BACE2: variants seen among roughly 807,000 people sequenced by gnomAD.
BACE2 encodes 56 kDa aspartic-like protease.
In BACE2, 17 loss-of-function variants were observed where a neutral mutation model predicts 46.2. The observed-to-expected ratio is 0.37, with a 90% CI of 0.25 to 0.55. The LOEUF (loss-of-function observed/expected upper bound fraction) is 0.55. Among genes scored for constraint, BACE2 ranks in the 20% least tolerant of loss-of-function variants. The pLI is 0.82. For synonymous variants in BACE2, 277 were observed against 295.9 expected (o/e 0.94, Z 0.66); for missense variants, 595 against 698.1 (o/e 0.85, Z 1.66).
intron 1 of BACE2, among the ~76,000 whole-genome samples, chr21:41,204,760 C>T (rs185822931): frequency 2.6e-5 from 4 of 152,278 alleles, no homozygotes; most frequent in African/African-American, 7.2e-5. Context: ...AAGAGGGATG[C>T]ATCTGTCATT....
At chr21:41,247,644 C>T (rs373667518) in intron 6 of BACE2, among the ~76,000 whole-genome samples, 5 of 152,370 alleles carry the variant, frequency 3.3e-5, no homozygotes. Flanking sequence ...ACCCCTGTGC[C>T]GTGAGAGGCG....
intron 8 of BACE2, among the ~76,000 whole-genome samples, chr21:41,273,118 G>T (rs780720948): frequency 2.6e-5 from 4 of 152,154 alleles, no homozygotes; most frequent in Non-Finnish European, 1.5e-5. Flanking sequence ...TACGAATAGG[G>T]TGTGGGTCAC....
chr21:41,266,495 G>A (rs1014284279), intron 8 of BACE2, among the ~76,000 whole-genome samples: 1 of 152,244 alleles, frequency 6.6e-6, no homozygotes, highest in African/African-American at 2.4e-5. Flanking sequence ...AGTGTCCGCA[G>A]ACCATGAGAA....
chr21:41,225,157 C>T (rs1986773010), intron 1 of BACE2, among the ~76,000 whole-genome samples: 1 of 151,588 alleles, frequency 6.6e-6, no homozygotes, highest in Non-Finnish European at 1.5e-5. Flanking sequence ...TGACGTGAAC[C>T]TGGGAGGCAG....
At chr21:41,255,048 A>G (rs917720968) in intron 7 of BACE2, among the ~76,000 whole-genome samples, 7 of 152,208 alleles carry the variant, frequency 4.6e-5, no homozygotes, top group Non-Finnish European at 1.0e-4. Flanking sequence ...GTCTGGTTAC[A>G]GTCTCCATGC....
chr21:41,197,545 C>G (rs1232359649), intron 1 of BACE2, among the ~76,000 whole-genome samples: 1 of 152,062 alleles, frequency 6.6e-6, no homozygotes, highest in Non-Finnish European at 1.5e-5. Context: ...TAGTTGATTT[C>G]TACTACCAAA....
chr21:41,209,349 G>T (rs774607007), intron 1 of BACE2, among the ~76,000 whole-genome samples: 47 of 152,202 alleles, frequency 3.1e-4, no homozygotes, highest in Non-Finnish European at 6.6e-4. Flanking sequence ...GTTCCCAGGG[G>T]GAGGCCTGTG....
intron 1 of BACE2, among the ~76,000 whole-genome samples, chr21:41,187,510 G>A (rs1212705586): frequency 6.6e-6 from 1 of 152,146 alleles, no homozygotes; most frequent in Non-Finnish European, 1.5e-5. Flanking sequence ...GTATTTGAGA[G>A]CATTATTTTG....
At position 41,174,138 on chromosome 21, in the gene BACE2, CCTTTTTT is replaced by C. The variant is rs1194954369; in HGVS notation, c.312+5564_312+5570del. ...TAAGGATAGCTGTTGTGATCAGTGG[CCTTTTTT>C]TTTTTTTTTTTTTTTTTTTAAACAG... On this transcript the variant is annotated intron_variant, in intron 1 of 8. Transcript: ENST00000330333. Among the ~76,000 whole-genome samples, 13 of 70,648 alleles carry C rather than the reference CCTTTTTT, an allele frequency of 1.8e-4. 1 individual carries two copies. Among genetic ancestry groups the C allele is most frequent in the Middle Eastern group, 8.5e-3 (1 of 118 alleles). The allele number at this position is 70,648 out of a possible 152,430, so 46.3% of individuals were successfully genotyped here. A position where few individuals can be genotyped will look rare whatever the true frequency, so the allele number is the denominator to read the frequency against.
At chr21:41,248,820 G>A (rs1182861327) in intron 6 of BACE2, among the ~76,000 whole-genome samples, 4 of 152,156 alleles carry the variant, frequency 2.6e-5, no homozygotes, top group South Asian at 2.1e-4. Flanking sequence ...AGGGGCACCC[G>A]CATGTTTTTT....
chr21:41,226,395 C>T, intron 2 of BACE2, 41 bp downstream of exon 2: 1 of 1,546,042 alleles, frequency 6.5e-7, no homozygotes, highest in Non-Finnish European at 8.8e-7. Flanking sequence ...GGCCGGGGCA[C>T]TGCATGATCA....
chr21:41,271,918 C>T (rs12483323), intron 8 of BACE2, among the ~76,000 whole-genome samples: 26,170 of 152,030 alleles, frequency 0.17, 2,354 homozygotes, highest in African/African-American at 0.25. Context: ...CTTCCCGCTT[C>T]TGGTGTTCAT....
rs2088509202 is a variant in BACE2, at chr21:41,278,021, T to TCC, written c.*2398_*2399dup. The TCC allele has an allele frequency of 6.6e-6, 1 of 152,190 alleles. No individual in the cohort carries two copies. Among genetic ancestry groups the TCC allele is most frequent in the African/African-American group, 2.4e-5 (1 of 41,438 alleles). The allele number at this position is 152,190 out of a possible 1,614,324, so 9.4% of individuals were successfully genotyped here. On this transcript the variant is annotated 3_prime_UTR_variant, in exon 9 of 9. Coordinates refer to ENST00000330333, the MANE Select transcript of BACE2 (RefSeq NM_012105.5). ...CAAAACCCTGTTAGTGACACCCACC[T>TCC]CCTCCAGTTATGCAAATTGATGCTT...
At chr21:41,210,123 C>T (rs538796221) in intron 1 of BACE2, among the ~76,000 whole-genome samples, 6 of 152,002 alleles carry the variant, frequency 3.9e-5, no homozygotes, top group East Asian at 1.9e-4. Context: ...GTTCTTAAAA[C>T]GGGCCTCCTA....
chr21:41,178,897 C>T, intron 1 of BACE2: 2 of 304,022 alleles, frequency 6.6e-6, no homozygotes, highest in South Asian at 7.4e-5. Context: ...TGCTGTGAGA[C>T]AGTGCCATGT....
At chr21:41,218,104 A>C (rs1986530003) in intron 1 of BACE2, among the ~76,000 whole-genome samples, 1 of 152,230 alleles carries the variant, frequency 6.6e-6, no homozygotes, top group Non-Finnish European at 1.5e-5. Context: ...TTTCCAGGAA[A>C]CTTGAATCAG....
chr21:41,247,777 G>A (rs1200364905), intron 6 of BACE2, among the ~76,000 whole-genome samples: 1 of 152,248 alleles, frequency 6.6e-6, no homozygotes, highest in African/African-American at 2.4e-5. Context: ...ATTATCCTCT[G>A]ATTTCATTCG....
intron 7 of BACE2, among the ~76,000 whole-genome samples, chr21:41,255,532 T>C (rs1001696415): frequency 1.3e-5 from 2 of 152,200 alleles, no homozygotes; most frequent in Non-Finnish European, 2.9e-5. Context: ...TGGTCAGCAG[T>C]ACCCATAGAG....
chr21:41,174,542 A>G (rs1984736589), intron 1 of BACE2, among the ~76,000 whole-genome samples: 1 of 152,112 alleles, frequency 6.6e-6, no homozygotes, highest in Non-Finnish European at 1.5e-5. Context: ...CTAGTATCTG[A>G]CAGCATGCCT....
Sources: allele counts gnomAD v4.1 joint callset (sites outside exome capture counted in the v4.1 genomes callset), GRCh38; gene constraint gnomAD v4.1.1; transcripts MANE v1.5; gene names NCBI Gene and HGNC (gene_info 2026-07-23, HGNC 2026-07-21).